Variants in CACNA1C observed in about 807,000 individuals in gnomAD.
CACNA1C encodes the protein calcium voltage-gated channel subunit alpha1 C.
CACNA1C carries 30 observed loss-of-function variants against 229.0 expected under a neutral mutation model. The ratio of observed to expected loss-of-function variants is 0.13; its 90% CI spans 0.10 to 0.18. The LOEUF is 0.18. CACNA1C is among the 10% of genes least tolerant of loss of function. CACNA1C has a pLI of 1.00. For missense variants in CACNA1C, 1,658 were observed against 2,845.0 expected (o/e 0.58, Z 9.49); for synonymous variants, 1,114 against 1,132.5 (o/e 0.98, Z 0.33).
chr12:2,452,962 C>A (rs12297903), intron 4 of CACNA1C, among the ~76,000 whole-genome samples: 2 of 152,138 alleles, frequency 1.3e-5, no homozygotes, highest in Admixed American at 6.5e-5. Flanking sequence ...CCCACTCCCC[C>A]ATCCTGGCAA....
At chr12:2,142,545 T>A (rs1182224396) in intron 3 of CACNA1C, among the ~76,000 whole-genome samples, 1 of 151,408 alleles carries the variant, frequency 6.6e-6, no homozygotes, top group African/African-American at 2.4e-5. Flanking sequence ...ACGTTAACTG[T>A]AAAACAGCCT....
intron 1 of CACNA1C, among the ~76,000 whole-genome samples, chr12:2,093,980 C>A (rs11062119): frequency 0.02 from 3,014 of 152,328 alleles, 98 homozygotes; most frequent in East Asian, 0.1. Flanking sequence ...CCCCAGTAAC[C>A]TCCGCATGTG....
At chr12:2,297,097 G>C (rs183199899) in intron 3 of CACNA1C, among the ~76,000 whole-genome samples, 3 of 152,164 alleles carry the variant, frequency 2.0e-5, no homozygotes, top group Non-Finnish European at 2.9e-5. Context: ...TCAGGTCCAG[G>C]ACAGCAAAGA....
intron 3 of CACNA1C, among the ~76,000 whole-genome samples, chr12:2,206,224 C>T (rs1214948007): frequency 6.6e-6 from 1 of 152,080 alleles, no homozygotes; most frequent in Admixed American, 6.5e-5. Flanking sequence ...ACAACCCAGC[C>T]CTTGGAAGGA....
intron 3 of CACNA1C, among the ~76,000 whole-genome samples, chr12:2,202,078 G>C (rs1423852408): frequency 6.6e-6 from 1 of 152,226 alleles, no homozygotes; most frequent in Non-Finnish European, 1.5e-5. Flanking sequence ...AATGATTAGA[G>C]AAATGATAAT....
At chr12:2,544,794 G>A (rs927484268) in intron 9 of CACNA1C, among the ~76,000 whole-genome samples, 1 of 152,218 alleles carries the variant, frequency 6.6e-6, no homozygotes, top group African/African-American at 2.4e-5. Context: ...GGGCAGATGA[G>A]GCAAAACTTT....
chr12:2,272,118 C>A (rs540650317), intron 3 of CACNA1C, among the ~76,000 whole-genome samples: 1 of 152,170 alleles, frequency 6.6e-6, no homozygotes. Flanking sequence ...GCTCACAACC[C>A]CTCAGTGAGT....
chr12:2,186,851 G>A (rs1423579991), intron 3 of CACNA1C, among the ~76,000 whole-genome samples: 1 of 152,138 alleles, frequency 6.6e-6, no homozygotes, highest in African/African-American at 2.4e-5. Flanking sequence ...AAGAGCAGGG[G>A]CTCTGCATTC....
At chr12:2,114,431 T>C (rs1329124715) in intron 1 of CACNA1C, among the ~76,000 whole-genome samples, 1 of 152,124 alleles carries the variant, frequency 6.6e-6, no homozygotes, top group Non-Finnish European at 1.5e-5. Flanking sequence ...TTGCTGTACT[T>C]TATTGGTAAA....
At chr12:2,276,987 G>T (rs2088529630) in intron 3 of CACNA1C, among the ~76,000 whole-genome samples, 1 of 152,060 alleles carries the variant, frequency 6.6e-6, no homozygotes, top group African/African-American at 2.4e-5. Flanking sequence ...CCTCTGCCAC[G>T]GCCTAGACTG....
At chr12:2,362,234 C>T (rs1297402590) in intron 3 of CACNA1C, among the ~76,000 whole-genome samples, 1 of 152,130 alleles carries the variant, frequency 6.6e-6, no homozygotes, top group East Asian at 1.9e-4. Context: ...GGGACATCTC[C>T]AGTGTTGTAG....
rs959555244 is a variant in CACNA1C, at chr12:1,993,374, T to C, written c.139+22173T>C. The C allele has an allele frequency of 4.3e-6, 7 of 1,611,818 alleles. No homozygotes were observed. Among genetic ancestry groups the C allele is most frequent in the African/African-American group, 2.7e-5 (2 of 74,848 alleles). Reference sequence around the variant, plus strand: ...CAGCCTATTCATAATGGTGAATCCATGCTTTGGAGAAGCAGACCTAAAAAT... The same window carrying C: ...CAGCCTATTCATAATGGTGAATCCACGCTTTGGAGAAGCAGACCTAAAAAT... On this transcript the variant is annotated intron_variant, in intron 1 of 46. Coordinates refer to the CACNA1C transcript ENST00000682462.
At position 2,689,754 on chromosome 12, in the gene CACNA1C, C is replaced by T. The variant is rs2097714579; in HGVS notation, c.6117+975C>T. 4 of 152,236 alleles carry T rather than the reference C, an allele frequency of 2.6e-5. No individual in the cohort carries two copies. The highest frequency in any genetic ancestry group is 7.2e-5 in the African/African-American group (3 of 41,442). The allele number at this position is 152,236 out of a possible 1,614,324, so 9.4% of individuals were successfully genotyped here. ...TTCACAGACCTTCCCTGAGCGCCTACCATGTGCAGGCCCTGTTCTAGGTAC... is the reference window on the plus strand; with the variant it reads ...TTCACAGACCTTCCCTGAGCGCCTATCATGTGCAGGCCCTGTTCTAGGTAC... On this transcript the variant is annotated intron_variant, in intron 46 of 46. Coordinates refer to ENST00000399655, the MANE Select transcript of CACNA1C (RefSeq NM_000719.7). The surrounding 1 kb of genome is among the most constrained non-coding windows in gnomAD (Gnocchi z 4.2).
intron 9 of CACNA1C, among the ~76,000 whole-genome samples, 165 bp from the exon 10 acceptor site, chr12:2,549,778 T>G (rs1324386616): frequency 6.6e-6 from 1 of 152,194 alleles, no homozygotes; most frequent in Non-Finnish European, 1.5e-5. Context: ...CCAGCAGATG[T>G]GTCCATCAAG....
At chr12:2,041,418 A>G (rs1156852836) in intron 1 of CACNA1C, among the ~76,000 whole-genome samples, 1 of 151,778 alleles carries the variant, frequency 6.6e-6, no homozygotes, top group Non-Finnish European at 1.5e-5. Flanking sequence ...CTGGGACTAC[A>G]GGCGCTTGCC....
At chr12:2,610,404 G>A (rs1294418319) in intron 27 of CACNA1C, 137 bp from the exon 28 acceptor site, 11 of 811,958 alleles carry the variant, frequency 1.4e-5, no homozygotes, top group South Asian at 3.9e-5. Flanking sequence ...AGCCGGAGCG[G>A]CCAATGATTT....
At chr12:2,562,510 A>G (rs1193649234) in intron 11 of CACNA1C, among the ~76,000 whole-genome samples, 6 of 152,204 alleles carry the variant, frequency 3.9e-5, no homozygotes, top group Non-Finnish European at 7.3e-5. Flanking sequence ...AGTATTAATA[A>G]TCACAATCAC....
At chr12:2,153,300 T>C (rs534357258) in intron 3 of CACNA1C, among the ~76,000 whole-genome samples, 2 of 152,292 alleles carry the variant, frequency 1.3e-5, no homozygotes, top group African/African-American at 4.8e-5. Flanking sequence ...GAATGGAGGC[T>C]ACTTTTTTTT....
intron 9 of CACNA1C, among the ~76,000 whole-genome samples, chr12:2,528,767 T>C (rs571300488): frequency 1.3e-4 from 20 of 152,212 alleles, no homozygotes; most frequent in African/African-American, 4.6e-4. Context: ...GGAAAGGTGA[T>C]TGGGGGTAAG....
Sources: gnomAD v4.1 joint callset for allele counts (sites outside exome capture counted in the v4.1 genomes callset) on GRCh38, gnomAD v4.1.1 for gene constraint, Gnocchi (gnomAD v3.1) non-coding constraint, MANE v1.5 for transcripts, NCBI Gene and HGNC (gene_info 2026-07-23, HGNC 2026-07-21) for gene names.